WIPF1: variants seen among roughly 807,000 people sequenced by gnomAD.
WIPF1 encodes the protein WAS/WASL interacting protein family member 1.
A neutral mutation model predicts 35.4 loss-of-function variants in WIPF1; 13 were observed. The ratio of observed to expected loss-of-function variants is 0.37; its 90% CI spans 0.24 to 0.58. WIPF1 has a LOEUF of 0.58. Among genes scored for constraint, WIPF1 ranks in the 20% least tolerant of loss-of-function variants. The probability of loss-of-function intolerance (pLI) is 0.74; values close to 1 mark genes in which losing one functional copy is unlikely to be tolerated. For missense variants in WIPF1, 591 were observed against 667.0 expected, an observed-to-expected ratio of 0.89 and a Z score of 1.25; for synonymous variants, 267 against 266.3, an observed-to-expected ratio of 1.00 and a Z score of -0.02.
intron 1 of WIPF1, among the ~76,000 whole-genome samples, chr2:174,603,657 T>G (rs1686072178): frequency 6.6e-6 from 1 of 152,198 alleles, no homozygotes; most frequent in Non-Finnish European, 1.5e-5. Flanking sequence ...CAAAACTGAC[T>G]AGAGGCACAG....
chr2:174,588,218 G>A (rs1450942727), intron 1 of WIPF1, among the ~76,000 whole-genome samples: 1 of 152,224 alleles, frequency 6.6e-6, no homozygotes, highest in African/African-American at 2.4e-5. Context: ...GGATAGCCTG[G>A]TCTGCCCGGT....
At chr2:174,578,507 T>G (rs1212564312) in intron 3 of WIPF1, among the ~76,000 whole-genome samples, 1 of 152,258 alleles carries the variant, frequency 6.6e-6, no homozygotes, top group Non-Finnish European at 1.5e-5. Context: ...TGAGGTTTCC[T>G]GAATAAATAT....
In WIPF1 at chr2:174,571,806, T is replaced by G; in HGVS notation, c.999A>C (p.Arg333Ser). The change falls in exon 5 of 8, where the codon AGA (arginine) becomes AGC (serine). Residue 333 changes from arginine to serine, a missense_variant. Transcript: ENST00000679041. The surrounding 1 kb of genome is among the most constrained non-coding windows in gnomAD (Gnocchi z 4.6). ...TGAGGGACAGATTCCGCTGTGGGAG[T>G]CTTGGGGTTTCGTCATTGCCGCTGG... ...PSSSGNDETP[R>S]LPQRNLSLSS... is the part of the protein sequence containing the mutation. 6.2e-7 allele frequency: 1 copy of G among 1,613,260 alleles called. No individual in the cohort carries two copies. The highest frequency in any genetic ancestry group is 8.5e-7 in the Non-Finnish European group (1 of 1,179,844).
chr2:174,585,799 C>G (rs186824428), intron 1 of WIPF1, among the ~76,000 whole-genome samples, 188 bp from the exon 2 acceptor site: 1 of 152,134 alleles, frequency 6.6e-6, no homozygotes, highest in African/African-American at 2.4e-5. Flanking sequence ...GCTTCTGACC[C>G]GAGGTGCTTG....
chr2:174,606,705 G>A (rs2105891248), intron 1 of WIPF1, among the ~76,000 whole-genome samples: 1 of 152,308 alleles, frequency 6.6e-6, no homozygotes, highest in Admixed American at 6.5e-5. Context: ...ACTAGGTATT[G>A]TTGGATTTGT....
At chr2:174,600,953 C>T (rs373152581), upstream of WIPF1, among the ~76,000 whole-genome samples, 3 of 105,370 alleles carry the variant, frequency 2.8e-5, no homozygotes, top group Admixed American at 1.5e-4. Context: ...GAGACAGAGT[C>T]GTACTCTGTC....
chr2:174,642,472 G>A (rs112323287), intron 1 of WIPF1, among the ~76,000 whole-genome samples: 4,442 of 143,456 alleles, frequency 0.031, 220 homozygotes, highest in African/African-American at 0.11. Flanking sequence ...TCAGCCTCCC[G>A]AGTAGCTGGA....
rs913789975 is a variant in WIPF1 at position 174,575,309 on chromosome 2, C to A, written c.253G>T (p.Gly85Cys). ...CCAAAACTTCCACCGCCTCCGCCAC[C>A]ACCTCCTCCGCCAAATCCGCCGCCT... Reference protein sequence around the residue: ...GGGGGFGGGGGGGGGGSFGGG... With the variant: ...GGGGGFGGGGCGGGGGSFGGG... The change falls in exon 4 of 8, where the codon GGT (glycine) becomes TGT (cysteine). Residue 85 changes from glycine to cysteine, a missense_variant. Physicochemically the swap from Gly to Cys is radical, Grantham distance 159. Coordinates refer to ENST00000679041, the MANE Select transcript of WIPF1 (RefSeq NM_001375834.1). 2 of 1,613,846 alleles carry A rather than the reference C, an allele frequency of 1.2e-6. No individual in the cohort carries two copies. The highest frequency in any genetic ancestry group is 2.7e-5 in the African/African-American group (2 of 74,940).
intron 1 of WIPF1, among the ~76,000 whole-genome samples, chr2:174,595,428 C>T (rs1184878630): frequency 6.6e-6 from 1 of 151,900 alleles, no homozygotes; most frequent in Non-Finnish European, 1.5e-5. Flanking sequence ...TGTTAGGTGG[C>T]CTTGGGTAAA....
At chr2:174,591,884 C>T (rs972999690) in intron 1 of WIPF1, among the ~76,000 whole-genome samples, 1 of 152,198 alleles carries the variant, frequency 6.6e-6, no homozygotes, top group Non-Finnish European at 1.5e-5. Flanking sequence ...ACTTGTTAAA[C>T]ATGCAATGTT....
intron 1 of WIPF1, among the ~76,000 whole-genome samples, chr2:174,607,631 T>A (rs1435220132): frequency 1.8e-4 from 28 of 152,174 alleles, no homozygotes; most frequent in Non-Finnish European, 1.5e-5. Context: ...TTCCTTGACC[T>A]CTTTCCCTAC....
intron 1 of WIPF1, among the ~76,000 whole-genome samples, chr2:174,614,198 C>A (rs2105904053): frequency 6.6e-6 from 1 of 152,284 alleles, no homozygotes; most frequent in Middle Eastern, 3.4e-3. Context: ...TTCATTTCAC[C>A]TGGAGAGAGC....
At chr2:174,625,391 G>T (rs1686798379) in intron 1 of WIPF1, among the ~76,000 whole-genome samples, 1 of 152,204 alleles carries the variant, frequency 6.6e-6, no homozygotes, top group African/African-American at 2.4e-5. Flanking sequence ...CTCTTGGTCT[G>T]CATTATTTCA....
chr2:174,625,095 C>G (rs1016662853), intron 1 of WIPF1, among the ~76,000 whole-genome samples: 4 of 152,128 alleles, frequency 2.6e-5, no homozygotes, highest in African/African-American at 7.2e-5. Context: ...AGTTACCAGG[C>G]ACTTTCTGGG....
chr2:174,634,312 G>A (rs1687117793), intron 1 of WIPF1, among the ~76,000 whole-genome samples: 3 of 152,232 alleles, frequency 2.0e-5, no homozygotes, highest in Admixed American at 2.0e-4. Context: ...GGAAGCAAGA[G>A]ATTCTGAGAA....
chr2:174,669,750 C>A (rs558790318), intron 1 of WIPF1, among the ~76,000 whole-genome samples: 1 of 152,292 alleles, frequency 6.6e-6, no homozygotes, highest in East Asian at 1.9e-4. Context: ...GAGGTATGTG[C>A]CTGCAGTCCC....
upstream of WIPF1, among the ~76,000 whole-genome samples, chr2:174,600,129 C>T (rs1018554656): frequency 2.0e-5 from 3 of 152,172 alleles, no homozygotes; most frequent in Non-Finnish European, 4.4e-5. Flanking sequence ...ACCAGCTGCT[C>T]ACTTCCTGCT....
intron 7 of WIPF1, among the ~76,000 whole-genome samples, chr2:174,564,505 C>T (rs1684583695): frequency 6.6e-6 from 1 of 152,024 alleles, no homozygotes; most frequent in Non-Finnish European, 1.5e-5. Context: ...ATGTTTCAGG[C>T]TCTGTGCCCC....
intron 1 of WIPF1, among the ~76,000 whole-genome samples, chr2:174,659,183 G>C (rs1256459285): frequency 6.6e-6 from 1 of 152,074 alleles, no homozygotes; most frequent in Admixed American, 6.5e-5. Context: ...GCCCAGGCTG[G>C]TCTTGAATTC....
Sources: gnomAD v4.1 joint callset for allele counts (sites outside exome capture counted in the v4.1 genomes callset) on GRCh38, gnomAD v4.1.1 for gene constraint, Gnocchi (gnomAD v3.1) non-coding constraint, MANE v1.5 for transcripts, NCBI Gene and HGNC (gene_info 2026-07-23, HGNC 2026-07-21) for gene names.